Variants in ARNT2 observed in about 807,000 individuals in gnomAD.
ARNT2 encodes ARNT protein 2.
A neutral mutation model predicts 91.7 loss-of-function variants in ARNT2; 36 were observed. The ratio of observed to expected loss-of-function variants is 0.39; its 90% CI spans 0.30 to 0.52. ARNT2 has a LOEUF of 0.52. ARNT2 is among the 20% of genes least tolerant of loss of function. ARNT2 has a pLI of 0.72. For missense variants in ARNT2, 775 were observed against 939.3 expected (o/e 0.83, Z 2.29); for synonymous variants, 365 against 347.1 (o/e 1.05, Z -0.57).
intron 17 of ARNT2, among the ~76,000 whole-genome samples, chr15:80,588,568 T>A (rs1893218451): frequency 1.3e-5 from 2 of 152,168 alleles, no homozygotes. Context: ...CCTCCAGCCT[T>A]ATCTCTTATG....
rs78959681 is a variant in ARNT2, at chr15:80,550,038, A to G, written c.878-1161A>G. Among the ~76,000 whole-genome samples the G allele has an allele frequency of 3.8e-3, 578 of 152,360 alleles. 3 individuals are homozygous for G. Among genetic ancestry groups the G allele is most frequent in the African/African-American group, 0.013 (559 of 41,580 alleles). ...TAAAAAAGAATTGAGGAAGAGCTGT[A>G]TGAATGAATATGGAGTGAATTCCAG... On this transcript the variant is annotated intron_variant, in intron 8 of 18. Transcript: ENST00000303329.
At chr15:80,471,595 A>C (rs1282043341) in intron 4 of ARNT2, among the ~76,000 whole-genome samples, 1 of 152,208 alleles carries the variant, frequency 6.6e-6, no homozygotes, top group East Asian at 1.9e-4. Flanking sequence ...CGATCAGAGC[A>C]CTTAGCCGGC....
chr15:80,520,222 G>C (rs1400141793), intron 8 of ARNT2, among the ~76,000 whole-genome samples: 1 of 152,100 alleles, frequency 6.6e-6, no homozygotes, highest in Non-Finnish European at 1.5e-5. Flanking sequence ...CAGTACCTTA[G>C]ATAGTTCATG....
intron 11 of ARNT2, among the ~76,000 whole-genome samples, chr15:80,557,088 G>A (rs570955610): frequency 9.2e-5 from 14 of 152,092 alleles, no homozygotes; most frequent in Non-Finnish European, 1.9e-4. Flanking sequence ...TGACCGCCAA[G>A]CCTTCCTATT....
At chr15:80,537,151 T>A (rs1233877139) in intron 8 of ARNT2, among the ~76,000 whole-genome samples, 1 of 152,178 alleles carries the variant, frequency 6.6e-6, no homozygotes, top group African/African-American at 2.4e-5. Context: ...CAAGGAACCT[T>A]CACCAGTTCT....
chr15:80,411,796 C>T (rs1345837626), intron 1 of ARNT2, among the ~76,000 whole-genome samples: 5 of 152,184 alleles, frequency 3.3e-5, no homozygotes, highest in African/African-American at 4.8e-5. Context: ...TACCTGATAC[C>T]TTGGACACAC....
chr15:80,495,369 C>T (rs1897112623), intron 5 of ARNT2, among the ~76,000 whole-genome samples: 1 of 152,216 alleles, frequency 6.6e-6, no homozygotes, highest in South Asian at 2.1e-4. Context: ...CACTCAGGTT[C>T]CAAGTTGAGG....
At chr15:80,491,572 C>A (rs1164979709) in intron 5 of ARNT2, among the ~76,000 whole-genome samples, 2 of 152,104 alleles carry the variant, frequency 1.3e-5, no homozygotes, top group African/African-American at 4.8e-5. Context: ...CACAGAGAAC[C>A]ATTATGCACT....
intron 11 of ARNT2, among the ~76,000 whole-genome samples, chr15:80,557,291 A>T (rs1040347914): frequency 6.6e-6 from 1 of 152,000 alleles, no homozygotes; most frequent in African/African-American, 2.4e-5. Flanking sequence ...TCTACAAGCC[A>T]TGATGGATGA....
intron 1 of ARNT2, among the ~76,000 whole-genome samples, chr15:80,417,033 A>G (rs1027752970): frequency 2.6e-5 from 4 of 152,224 alleles, no homozygotes; most frequent in African/African-American, 9.6e-5. Flanking sequence ...TGTAACATTA[A>G]CACTTTCCTA....
At chr15:80,524,382 C>T (rs547708619) in intron 8 of ARNT2, among the ~76,000 whole-genome samples, 3 of 152,244 alleles carry the variant, frequency 2.0e-5, no homozygotes, top group South Asian at 2.1e-4. Flanking sequence ...TCTTGAGATA[C>T]AGAAATTATG....
Position 80,588,912 on chromosome 15 carries a change from G to C in ARNT2, c.1919-2656G>C, listed in dbSNP as rs138159789. ...CCCAACCATGCTATATGCTTGTTGA[G>C]AGAGGAACGATCTTATTCTCCAGTG... On this transcript the variant is annotated intron_variant, in intron 17 of 18. Coordinates refer to ENST00000303329, the MANE Select transcript of ARNT2 (RefSeq NM_014862.4). Among the ~76,000 whole-genome samples, 1,346 of 152,318 alleles carry C rather than the reference G, an allele frequency of 8.8e-3. 25 individuals are homozygous for C. Among genetic ancestry groups the C allele is most frequent in the African/African-American group, 0.031 (1,283 of 41,562 alleles).
chr15:80,581,178 G>T lies in ARNT2; in HGVS notation c.1753-61G>T. The T allele has an allele frequency of 1.9e-6, 3 of 1,594,868 alleles. No individual in the cohort carries two copies. The African/African-American group carries it at 4.0e-5, about 21-fold the overall frequency. ...GCCCCTGCGACCAGCCTGGGGCATC[G>T]GTTGGGGTGCAGGGGTCTGCTGGTG... is the stretch of plus-strand genomic sequence containing the variant. On this transcript the variant is annotated intron_variant, in intron 16 of 18. Transcript: ENST00000303329.
chr15:80,513,852 A>G, intron 6 of ARNT2, 59 bp from the exon 7 acceptor site: 2 of 1,405,644 alleles, frequency 1.4e-6, no homozygotes, highest in Admixed American at 3.4e-5. Context: ...TGGCAGCACC[A>G]TATATTGAAT....
At chr15:80,538,406 T>A (rs1450818413) in intron 8 of ARNT2, among the ~76,000 whole-genome samples, 2 of 152,202 alleles carry the variant, frequency 1.3e-5, no homozygotes, top group African/African-American at 2.4e-5. Context: ...CCCATTTTTT[T>A]AATCCCAGTG....
chr15:80,413,387 A>G (rs1487636588), intron 1 of ARNT2, among the ~76,000 whole-genome samples: 3 of 152,214 alleles, frequency 2.0e-5, no homozygotes, highest in African/African-American at 7.2e-5. Context: ...ACTTCCAACC[A>G]GACCACCTGG....
chr15:80,502,018 C>A (rs1190589007), intron 5 of ARNT2, among the ~76,000 whole-genome samples: 3 of 152,186 alleles, frequency 2.0e-5, no homozygotes, highest in Non-Finnish European at 4.4e-5. Flanking sequence ...ATTTCTGGGG[C>A]CTCTTACAAA....
intron 12 of ARNT2, among the ~76,000 whole-genome samples, chr15:80,572,439 C>T (rs528347091): frequency 1.3e-5 from 2 of 151,980 alleles, no homozygotes; most frequent in South Asian, 2.1e-4. Context: ...TCCACACCTG[C>T]TCCTCCCCAC....
chr15:80,592,595 G>A (rs998306003), intron 18 of ARNT2, among the ~76,000 whole-genome samples: 1 of 152,200 alleles, frequency 6.6e-6, no homozygotes, highest in Non-Finnish European at 1.5e-5. Context: ...TCTCCTGCCG[G>A]GGTCAGCTGT....
Sources: allele counts gnomAD v4.1 joint callset (sites outside exome capture counted in the v4.1 genomes callset), GRCh38; gene constraint gnomAD v4.1.1; transcripts MANE v1.5; gene names NCBI Gene and HGNC (gene_info 2026-07-23, HGNC 2026-07-21).